The following SLIT3 variants were observed in gnomAD, a reference collection of about 807,000 sequenced individuals.
The protein encoded by SLIT3 is slit homolog 3 protein.
A neutral mutation model predicts 184.0 loss-of-function variants in SLIT3; 68 were observed. The ratio of observed to expected loss-of-function variants is 0.37; its 90% CI spans 0.30 to 0.45. SLIT3 has a LOEUF of 0.45. Among genes scored for constraint, SLIT3 ranks in the 20% least tolerant of loss-of-function variants. SLIT3 has a pLI of 1.00. For missense variants in SLIT3, 1,707 were observed against 2,026.0 expected, an observed-to-expected ratio of 0.84 and a Z score of 3.02; for synonymous variants, 831 against 828.6, an observed-to-expected ratio of 1.00 and a Z score of -0.05.
intron 3 of SLIT3, among the ~76,000 whole-genome samples, chr5:169,234,687 G>T (rs1024132044): frequency 6.6e-6 from 1 of 152,042 alleles, no homozygotes; most frequent in African/African-American, 2.4e-5. Context: ...GGATTACATG[G>T]GTGAGTCACC....
rs148612813 is a variant in SLIT3 at position 168,910,458 on chromosome 5, T to C, written c.414-27122A>G. Among the ~76,000 whole-genome samples the C allele has an allele frequency of 8.1e-4, 123 of 152,248 alleles. No homozygotes were observed. In the East Asian group the frequency reaches 0.023, roughly 29 times the overall value. ...TCAATGATGGATTAAACCATCACAA[T>C]TGCCGCCGGGCGTGGTGGCTCACGC... On this transcript the variant is annotated intron_variant, in intron 4 of 35. Transcript: ENST00000519560.
At chr5:168,736,483 AGTT>A (rs1763437950) in intron 20 of SLIT3, among the ~76,000 whole-genome samples, 1 of 152,182 alleles carries the variant, frequency 6.6e-6, no homozygotes, top group African/African-American at 2.4e-5. Flanking sequence ...AGTGCTGGGC[AGTT>A]GTTCTATTAA....
intron 2 of SLIT3, among the ~76,000 whole-genome samples, chr5:169,249,521 T>C (rs1022494693): frequency 6.6e-6 from 1 of 152,198 alleles, no homozygotes; most frequent in Non-Finnish European, 1.5e-5. Flanking sequence ...AAATCAAGGG[T>C]TGTTTTTGAC....
chr5:169,176,661 TA>T (rs1762997176), intron 4 of SLIT3, among the ~76,000 whole-genome samples: 1 of 152,214 alleles, frequency 6.6e-6, no homozygotes. Context: ...AAAGGGCCAG[TA>T]TAGTCTCAGC....
At chr5:169,223,922 T>C (rs1764703126) in intron 3 of SLIT3, among the ~76,000 whole-genome samples, 1 of 151,968 alleles carries the variant, frequency 6.6e-6, no homozygotes, top group Non-Finnish European at 1.5e-5. Context: ...GATAAATGGG[T>C]CCTTCACCTT....
chr5:169,240,525 A>T (rs920594695), intron 3 of SLIT3, among the ~76,000 whole-genome samples: 3 of 148,216 alleles, frequency 2.0e-5, no homozygotes, highest in Admixed American at 6.7e-5. Flanking sequence ...AGTCTATATT[A>T]TCTTTAATAG....
chr5:168,954,131 G>A (rs2113254574), intron 4 of SLIT3, among the ~76,000 whole-genome samples: 1 of 152,236 alleles, frequency 6.6e-6, no homozygotes, highest in Admixed American at 6.5e-5. Context: ...GAGGCAAGAA[G>A]GGGGGCAGAA....
intron 4 of SLIT3, among the ~76,000 whole-genome samples, chr5:169,113,612 GAT>G (rs1391933839): frequency 1.3e-5 from 2 of 150,546 alleles, no homozygotes; most frequent in African/African-American, 4.9e-5. Context: ...GACCCTCACT[GAT>G]ATATAATGTA....
At position 168,661,815 on chromosome 5, in the gene SLIT3, G is replaced by A. The variant is rs1760862730; in HGVS notation, c.*4639C>T. ...ATTTATTTTAATGACATCTGAATAT[G>A]ACAGTATATTGAAAAAAGAATGCAT... On this transcript the variant is annotated 3_prime_UTR_variant, in exon 36 of 36. Coordinates refer to ENST00000519560, the MANE Select transcript of SLIT3 (RefSeq NM_003062.4). 6.6e-6 allele frequency: 1 copy of A among 152,142 alleles called. No homozygotes were observed. Among genetic ancestry groups the A allele is most frequent in the Admixed American group, 6.5e-5 (1 of 15,286 alleles). 9.4% of individuals were successfully genotyped at this position (152,142 alleles called of 1,614,324 possible).
chr5:169,175,912 G>A (rs183326348), intron 4 of SLIT3, among the ~76,000 whole-genome samples: 109 of 152,240 alleles, frequency 7.2e-4, no homozygotes, highest in Middle Eastern at 3.4e-3. Context: ...TGACTTCCAC[G>A]TCCCCCATAA....
intron 1 of SLIT3, among the ~76,000 whole-genome samples, chr5:169,262,493 A>G (rs1248675440): frequency 6.6e-6 from 1 of 152,166 alleles, no homozygotes; most frequent in Non-Finnish European, 1.5e-5. Context: ...CAGCAGAGTG[A>G]CACCAAATGG....
chr5:169,282,899 T>C (rs571210356), intron 1 of SLIT3, among the ~76,000 whole-genome samples: 62 of 152,308 alleles, frequency 4.1e-4, no homozygotes, highest in Non-Finnish European at 6.6e-4. Context: ...GTTTACAAAA[T>C]CCCAACATCC....
chr5:168,861,020 C>G (rs1759082958), intron 5 of SLIT3, among the ~76,000 whole-genome samples: 1 of 152,072 alleles, frequency 6.6e-6, no homozygotes, highest in Non-Finnish European at 1.5e-5. Flanking sequence ...AAATTAAGAC[C>G]CAGACACAGA....
At position 168,789,563 on chromosome 5, in the gene SLIT3, G is replaced by A. The variant is rs748586909; in HGVS notation, c.1076C>T (p.Ser359Leu). The A allele has an allele frequency of 3.1e-6, 5 of 1,612,332 alleles. No homozygotes were observed. The highest frequency in any genetic ancestry group is 1.3e-5 in the African/African-American group (1 of 74,862). The change falls in exon 11 of 36, where the codon TCG (serine) becomes TTG (leucine). Residue 359 changes from serine (S) to leucine (L), a missense_variant. By Grantham distance (145) the Ser-to-Leu change is moderately radical. Around this residue, in one of 3 missense-constraint regions of SLIT3, gnomAD observed 1,307 missense variants for 1,511.6 expected, o/e 0.86. Coordinates refer to ENST00000519560, the MANE Select transcript of SLIT3 (RefSeq NM_003062.4). Reference sequence around the variant, plus strand: ...CCCCAACTCGGGCCCCACTTACAGCGATGTGAGTGATTTCAGGCCCTGGAA... The same window carrying A: ...CCCCAACTCGGGCCCCACTTACAGCAATGTGAGTGATTTCAGGCCCTGGAA... ...DAFQGLKSLT[S>L]LVLYGNKITE...
At chr5:169,160,280 CT>C (rs1362455064) in intron 4 of SLIT3, among the ~76,000 whole-genome samples, 1 of 152,210 alleles carries the variant, frequency 6.6e-6, no homozygotes, top group Non-Finnish European at 1.5e-5. Flanking sequence ...GAGAAAATTA[CT>C]GCTCAGAGAA....
chr5:168,935,718 T>C (rs1762138607), intron 4 of SLIT3, among the ~76,000 whole-genome samples: 1 of 152,220 alleles, frequency 6.6e-6, no homozygotes, highest in Admixed American at 6.5e-5. Flanking sequence ...AGGATTACAA[T>C]GAGCAGGAAG....
chr5:168,752,398 T>G (rs1326118404), intron 18 of SLIT3: 2 of 149,898 alleles, frequency 1.3e-5, no homozygotes, highest in Non-Finnish European at 2.9e-5. Context: ...GTTTTTTTTT[T>G]TTTTTTTTTT....
At chr5:168,964,410 C>T (rs1763112359) in intron 4 of SLIT3, among the ~76,000 whole-genome samples, 1 of 152,182 alleles carries the variant, frequency 6.6e-6, no homozygotes, top group South Asian at 2.1e-4. Flanking sequence ...CAGATATTTA[C>T]ATGCACTTCA....
intron 3 of SLIT3, among the ~76,000 whole-genome samples, chr5:169,199,020 A>G: frequency 6.6e-6 from 1 of 151,938 alleles, no homozygotes; most frequent in Admixed American, 6.6e-5. Context: ...ACACACACAC[A>G]CACACACACA....
Sources: allele counts gnomAD v4.1 joint callset (sites outside exome capture counted in the v4.1 genomes callset), GRCh38; gene constraint gnomAD v4.1.1; regional missense constraint gnomAD v4.1.1; transcripts MANE v1.5; gene names NCBI Gene and HGNC (gene_info 2026-07-23, HGNC 2026-07-21).